ERCC8: variants seen among roughly 807,000 people sequenced by gnomAD.
The protein encoded by ERCC8 is DNA excision repair protein ERCC-8.
In ERCC8, 52 loss-of-function variants were observed where a neutral mutation model predicts 54.9. The observed-to-expected ratio is 0.95, with a 90% CI of 0.76 to 1.19. The LOEUF is 1.19. ERCC8 is among the 50% of genes most tolerant of loss of function. The pLI, the probability that ERCC8 is intolerant of heterozygous loss-of-function variation, is 0.00. For missense variants in ERCC8, 514 were observed against 466.1 expected (o/e 1.10, Z -0.95); for synonymous variants, 146 against 157.2 (o/e 0.93, Z 0.53).
intron 9 of ERCC8, chr5:60,892,262 T>C: frequency 1.8e-6 from 1 of 553,510 alleles, no homozygotes; most frequent in South Asian, 1.4e-5. Context: ...TTCAATGGCA[T>C]CTGCTATTTC....
Position 60,908,391 on chromosome 5 carries a change from A to G in ERCC8, c.400-3518T>C, listed in dbSNP as rs530691417. On this transcript the variant is annotated intron_variant, in intron 4 of 11. Transcript: ENST00000676185. The stretch of plus-strand genomic sequence containing the variant: ...CCTCACTCCTGAATTCTGGGTATGT[A>G]TAGATCGATTCCTGGATTATCTTCA... Among the ~76,000 whole-genome samples the G allele has an allele frequency of 9.2e-5, 14 of 152,068 alleles. No homozygotes were observed. In the East Asian group the frequency reaches 9.7e-4, roughly 11 times the overall value.
Position 60,881,818 on chromosome 5 carries a change from G to A in ERCC8, c.1122+5622C>T, listed in dbSNP as rs573270295. 1.1e-3 allele frequency among the ~76,000 whole-genome samples: 167 copies of A among 152,224 alleles called. 4 individuals carry two copies. Among genetic ancestry groups the A allele is most frequent in the Non-Finnish European group, 1.6e-4 (11 of 68,024 alleles). The stretch of plus-strand genomic sequence containing the variant: ...ACCCCTTGTGCTTCCCAGGTGAGGC[G>A]ATGCCTCACCCTGCTTTGGCTCATG... On this transcript the variant is annotated intron_variant, in intron 11 of 11. Coordinates refer to ENST00000676185, the MANE Select transcript of ERCC8 (RefSeq NM_000082.4).
intron 2 of ERCC8, chr5:60,924,646 G>C (rs994634190): frequency 6.5e-6 from 1 of 154,280 alleles, no homozygotes; most frequent in Non-Finnish European, 1.5e-5. Context: ...TTTTGCCTTG[G>C]TTTCTTTTTT....
chr5:60,930,932 C>T lies in ERCC8; in HGVS notation c.78-1973G>A, dbSNP rs1212673734. ...GATCAGCCTGGCCAACATGGTGAAACCCCGTCTCTACTAAAAATACAAAAA... is the reference window on the plus strand; with the variant it reads ...GATCAGCCTGGCCAACATGGTGAAATCCCGTCTCTACTAAAAATACAAAAA... On this transcript the variant is annotated intron_variant, in intron 1 of 11. Coordinates refer to ENST00000676185, the MANE Select transcript of ERCC8 (RefSeq NM_000082.4). Among the ~76,000 whole-genome samples, 11 of 152,106 alleles carry T rather than the reference C, an allele frequency of 7.2e-5. No homozygotes were observed. In the East Asian group the frequency reaches 2.1e-3, roughly 29 times the overall value.
chr5:60,919,105 AAC>A (rs960906808), intron 3 of ERCC8, among the ~76,000 whole-genome samples: 6 of 152,024 alleles, frequency 3.9e-5, no homozygotes, highest in Admixed American at 6.6e-5. Context: ...GGGAAATTTG[AAC>A]ACAGACTGGA....
At chr5:60,904,634 GTATA>G (rs869039109) in intron 5 of ERCC8, among the ~76,000 whole-genome samples, 154 bp downstream of exon 5, 937 of 49,624 alleles carry the variant, frequency 0.019, 7 homozygotes, top group African/African-American at 0.021. Context: ...GTGTGTGTGT[GTATA>G]TATATATATA....
At chr5:60,904,563 G>A (rs1300985052) in intron 5 of ERCC8, among the ~76,000 whole-genome samples, 1 of 145,720 alleles carries the variant, frequency 6.9e-6, no homozygotes, top group Non-Finnish European at 1.5e-5. Context: ...ACAGCATAGT[G>A]CTTGCCTTGC....
chr5:60,928,026 A>G (rs557388773), intron 2 of ERCC8, among the ~76,000 whole-genome samples: 145 of 152,326 alleles, frequency 9.5e-4, no homozygotes, highest in Non-Finnish European at 1.7e-3. Context: ...CCTTTAGTTA[A>G]TGCTATATGT....
At chr5:60,942,178 G>C (rs1298413812) in intron 1 of ERCC8, among the ~76,000 whole-genome samples, 1 of 152,026 alleles carries the variant, frequency 6.6e-6, no homozygotes, top group Non-Finnish European at 1.5e-5. Context: ...AAGCAGGAAA[G>C]GGGAAACATA....
chr5:60,893,099 C>A lies in ERCC8; in HGVS notation c.844-2013G>T, dbSNP rs1275407778. 5.2e-6 allele frequency: 4 copies of A among 774,012 alleles called. No individual in the cohort carries two copies. In the East Asian group the frequency reaches 9.9e-5, roughly 19 times the overall value. 47.9% of individuals were successfully genotyped at this position (774,012 alleles called of 1,614,324 possible). On this transcript the variant is annotated intron_variant, in intron 9 of 11. Coordinates refer to ENST00000676185, the MANE Select transcript of ERCC8 (RefSeq NM_000082.4). ...CAATCTTTTTCAAGACCAGGACCAG[C>A]TTCTTGTTGCCTTCTGCCCATAGGA...
At chr5:60,939,085 TCTG>T (rs1416019061) in intron 1 of ERCC8, among the ~76,000 whole-genome samples, 3 of 152,236 alleles carry the variant, frequency 2.0e-5, no homozygotes. Flanking sequence ...TGTTATGACA[TCTG>T]ATATACTTGG....
chr5:60,878,144 A>G (rs980984554), intron 11 of ERCC8, among the ~76,000 whole-genome samples: 23 of 152,130 alleles, frequency 1.5e-4, no homozygotes, highest in African/African-American at 5.5e-4. Context: ...GGTTTTTGTC[A>G]TTGGTTCTGT....
intron 9 of ERCC8, 22 bp from the exon 10 acceptor site, chr5:60,891,108 GT>G (rs1748535262): frequency 6.9e-7 from 1 of 1,455,602 alleles, no homozygotes; most frequent in African/African-American, 1.4e-5. Flanking sequence ...AAATAATAAG[GT>G]TACTCATCTC....
chr5:60,904,634 GTA>G (rs869039109), intron 5 of ERCC8, among the ~76,000 whole-genome samples, 156 bp downstream of exon 5: 1,161 of 49,586 alleles, frequency 0.023, 5 homozygotes, highest in African/African-American at 0.04. Flanking sequence ...GTGTGTGTGT[GTA>G]TATATATATA....
chr5:60,930,305 C>A (rs949012571), intron 1 of ERCC8, among the ~76,000 whole-genome samples: 1 of 152,184 alleles, frequency 6.6e-6, no homozygotes, highest in African/African-American at 2.4e-5. Context: ...GCGGCTCATG[C>A]CTGTTATTCC....
intron 11 of ERCC8, among the ~76,000 whole-genome samples, chr5:60,879,377 T>A (rs967109357): frequency 5.6e-4 from 85 of 152,340 alleles, no homozygotes; most frequent in African/African-American, 2.0e-3. Context: ...TGTAGATGTC[T>A]ATTAGGTCTG....
chr5:60,879,015 A>T (rs1748113255), intron 11 of ERCC8, among the ~76,000 whole-genome samples: 1 of 151,618 alleles, frequency 6.6e-6, no homozygotes, highest in African/African-American at 2.4e-5. Flanking sequence ...TAGTGCTATA[A>T]ATTGCCCTCT....
At chr5:60,930,846 C>A (rs1344213532) in intron 1 of ERCC8, among the ~76,000 whole-genome samples, 1 of 152,154 alleles carries the variant, frequency 6.6e-6, no homozygotes, top group Non-Finnish European at 1.5e-5. Flanking sequence ...GTGGCTCATG[C>A]CTGTAATCCC....
chr5:60,870,397 C>T lies in ERCC8; in HGVS notation c.*4218G>A, dbSNP rs1184880011. 1.4e-5 allele frequency among the ~76,000 whole-genome samples: 2 copies of T among 147,760 alleles called. No individual in the cohort carries two copies. Among genetic ancestry groups the T allele is most frequent in the Non-Finnish European group, 3.0e-5 (2 of 67,578 alleles). ...GGTGGCTCACGCCTGTAAATCCCAGCACTTTGGGAGGCCGAGGCTGGTGGA... is the reference window on the plus strand; with the variant it reads ...GGTGGCTCACGCCTGTAAATCCCAGTACTTTGGGAGGCCGAGGCTGGTGGA... On this transcript the variant is annotated 3_prime_UTR_variant, in exon 12 of 12. Transcript: ENST00000676185.
Sources: allele counts gnomAD v4.1 joint callset (sites outside exome capture counted in the v4.1 genomes callset), GRCh38; gene constraint gnomAD v4.1.1; transcripts MANE v1.5; gene names NCBI Gene and HGNC (gene_info 2026-07-23, HGNC 2026-07-21).